The following ZFYVE9 variants were observed in gnomAD, a reference collection of about 807,000 sequenced individuals.
The protein encoded by ZFYVE9 is zinc finger FYVE domain-containing protein 9.
ZFYVE9 carries 43 observed loss-of-function variants against 126.7 expected under a neutral mutation model. That is an observed-to-expected ratio of 0.34 (90% CI 0.27 to 0.44). ZFYVE9 has a LOEUF of 0.44. ZFYVE9 is among the 20% of genes least tolerant of loss of function. The probability of loss-of-function intolerance (pLI) is 1.00; values close to 1 mark genes in which losing one functional copy is unlikely to be tolerated. For missense variants in ZFYVE9, 1,476 were observed against 1,697.0 expected (o/e 0.87, Z 2.29); for synonymous variants, 521 against 597.4 (o/e 0.87, Z 1.87).
chr1:52,331,015 C>T (rs1020885584), intron 13 of ZFYVE9, among the ~76,000 whole-genome samples: 1 of 151,940 alleles, frequency 6.6e-6, no homozygotes, highest in Non-Finnish European at 1.5e-5. Flanking sequence ...TACAGGCACC[C>T]GCCACCACAC....
At chr1:52,211,964 T>C (rs1362351543) in intron 1 of ZFYVE9, among the ~76,000 whole-genome samples, 1 of 152,280 alleles carries the variant, frequency 6.6e-6, no homozygotes, top group Admixed American at 6.5e-5. Flanking sequence ...CTTATAAGTT[T>C]ATGTAAGAAC....
chr1:52,249,125 A>G (rs886648801), intron 4 of ZFYVE9, among the ~76,000 whole-genome samples: 3 of 152,168 alleles, frequency 2.0e-5, no homozygotes, highest in Non-Finnish European at 4.4e-5. Flanking sequence ...CACCACGGTA[A>G]GATGTGCTTG....
At chr1:52,308,690 A>G (rs1361802613) in intron 13 of ZFYVE9, among the ~76,000 whole-genome samples, 1 of 152,162 alleles carries the variant, frequency 6.6e-6, no homozygotes, top group African/African-American at 2.4e-5. Flanking sequence ...GTCACTGTAA[A>G]TGACATTTTT....
chr1:52,232,728 C>CAAAAAA (rs552213191), intron 2 of ZFYVE9, among the ~76,000 whole-genome samples: 591 of 27,330 alleles, frequency 0.022, 33 homozygotes, highest in African/African-American at 0.035. Flanking sequence ...GACTCTGTCT[C>CAAAAAA]AAAAAAAAAA....
At chr1:52,325,506 C>T (rs548268340) in intron 13 of ZFYVE9, among the ~76,000 whole-genome samples, 141 of 152,072 alleles carry the variant, frequency 9.3e-4, no homozygotes, top group African/African-American at 3.3e-3. Context: ...AACGAGAAGG[C>T]GAGACTGTCT....
Position 52,239,025 on chromosome 1 carries a change from C to T in ZFYVE9, c.1608C>T (p.Asn536=). The T allele has an allele frequency of 6.2e-7, 1 of 1,614,140 alleles. No individual in the cohort carries two copies. The highest frequency in any genetic ancestry group is 8.5e-7 in the Non-Finnish European group (1 of 1,180,008). Residue 536 remains asparagine, a synonymous_variant, in exon 4 of 19, where the codon AAC becomes AAT. Coordinates refer to ENST00000287727, the MANE Select transcript of ZFYVE9 (RefSeq NM_004799.4). ...CAGAAGGGAGTGGACTACTTTTAAA[C>T]AGCACTGGTGACCTAATGAAGAAAA... ...EATEGSGLLL[N]STGDLMKKNY...
chr1:52,168,808 G>A lies in ZFYVE9; in HGVS notation c.-143+26405G>A, dbSNP rs143477625. On this transcript the variant is annotated intron_variant, in intron 1 of 18. Coordinates refer to ENST00000287727, the MANE Select transcript of ZFYVE9 (RefSeq NM_004799.4). The stretch of plus-strand genomic sequence containing the variant: ...TAGGATTACAGGTATGAGCCACCAC[G>A]CCTAGCCAGATTAGATTCTTTAAAA... Among the ~76,000 whole-genome samples, 4 of 152,172 alleles carry A rather than the reference G, an allele frequency of 2.6e-5. No individual in the cohort carries two copies. In the East Asian group the frequency reaches 7.7e-4, roughly 29 times the overall value.
At chr1:52,162,103 C>G (rs1644466864) in intron 1 of ZFYVE9, 1 of 152,606 alleles carries the variant, frequency 6.6e-6, no homozygotes, top group African/African-American at 2.6e-5. Flanking sequence ...TTAGGGACAT[C>G]CAGAATTAAA....
chr1:52,209,828 A>G (rs1483440157), intron 1 of ZFYVE9, among the ~76,000 whole-genome samples: 1 of 152,194 alleles, frequency 6.6e-6, no homozygotes, highest in Non-Finnish European at 1.5e-5. Context: ...ATTGTCAGCT[A>G]TGTTATGGAA....
chr1:52,304,017 A>G (rs375565371), intron 13 of ZFYVE9, 92 bp downstream of exon 13: 2 of 754,736 alleles, frequency 2.6e-6, no homozygotes, highest in East Asian at 3.3e-5. Context: ...ACTTATAATT[A>G]ATTAACAATG....
At chr1:52,235,757 A>G (rs970108419) in intron 3 of ZFYVE9, among the ~76,000 whole-genome samples, 4 of 152,142 alleles carry the variant, frequency 2.6e-5, no homozygotes, top group East Asian at 1.9e-4. Context: ...CCAAACTTAC[A>G]TAAAACTGTC....
At chr1:52,337,668 C>T in intron 15 of ZFYVE9, 104 bp from the exon 16 acceptor site, 1 of 1,346,062 alleles carries the variant, frequency 7.4e-7, no homozygotes, top group Non-Finnish European at 1.0e-6. Flanking sequence ...TATCAGTCAG[C>T]TTTGGAAAGC....
chr1:52,187,892 C>T (rs916572927), intron 1 of ZFYVE9, among the ~76,000 whole-genome samples: 17 of 152,178 alleles, frequency 1.1e-4, no homozygotes, highest in African/African-American at 4.1e-4. Context: ...AAAACGATTC[C>T]TTTCCACAGT....
intron 2 of ZFYVE9, among the ~76,000 whole-genome samples, chr1:52,228,688 A>G (rs1645191725): frequency 6.6e-6 from 1 of 152,234 alleles, no homozygotes; most frequent in South Asian, 2.1e-4. Context: ...TCAGAATGCC[A>G]TTATCACATC....
At chr1:52,204,101 T>C (rs566911853) in intron 1 of ZFYVE9, among the ~76,000 whole-genome samples, 14 of 152,202 alleles carry the variant, frequency 9.2e-5, no homozygotes, top group South Asian at 2.1e-4. Flanking sequence ...TTTTTTAACC[T>C]TATGCCTTGT....
chr1:52,264,283 T>G (rs1384851651), intron 5 of ZFYVE9, among the ~76,000 whole-genome samples: 1 of 152,234 alleles, frequency 6.6e-6, no homozygotes, highest in African/African-American at 2.4e-5. Flanking sequence ...TAACTTAGCA[T>G]GTGTTCTTAT....
intron 1 of ZFYVE9, among the ~76,000 whole-genome samples, chr1:52,144,106 G>A (rs1644286705): frequency 6.6e-6 from 1 of 152,120 alleles, no homozygotes; most frequent in Non-Finnish European, 1.5e-5. Flanking sequence ...TGGATCATGA[G>A]GTCAGAAGTT....
chr1:52,293,401 AAT>A, intron 10 of ZFYVE9, 50 bp from the exon 11 acceptor site: 1 of 1,329,638 alleles, frequency 7.5e-7, no homozygotes, highest in Admixed American at 2.4e-5. Context: ...AAAAAAAAGA[AAT>A]ATGATTAATT....
At position 52,182,375 on chromosome 1, in the gene ZFYVE9, A is replaced by G. The variant is rs554766574; in HGVS notation, c.-142-33994A>G. ...TGTGTCTGTGTAGAAAGAAGTAGAC[A>G]TGGGAGACTTTTCATTTTGTTCTGT... is the stretch of plus-strand genomic sequence containing the variant. On this transcript the variant is annotated intron_variant, in intron 1 of 18. Coordinates refer to ENST00000287727, the MANE Select transcript of ZFYVE9 (RefSeq NM_004799.4). Among the ~76,000 whole-genome samples the G allele has an allele frequency of 3.3e-5, 5 of 152,118 alleles. No homozygotes were observed. In the East Asian group the frequency reaches 9.7e-4, roughly 29 times the overall value.
Sources: allele counts gnomAD v4.1 joint callset (sites outside exome capture counted in the v4.1 genomes callset), GRCh38; gene constraint gnomAD v4.1.1; transcripts MANE v1.5; gene names NCBI Gene and HGNC (gene_info 2026-07-23, HGNC 2026-07-21).